Variants in RP1 observed in about 807,000 individuals in gnomAD.
The protein encoded by RP1 is RP1 axonemal microtubule associated.
RP1 carries 16 observed loss-of-function variants against 14.8 expected under a neutral mutation model. The observed-to-expected ratio is 1.08, with a 90% CI of 0.73 to 1.65. The LOEUF is 1.65. Ranked by LOEUF, RP1 falls within the 40% of genes most tolerant of loss-of-function variation. RP1 has a pLI of 0.00. For missense variants in RP1, 2,631 were observed against 2,535.0 expected (o/e 1.04, Z -0.81); for synonymous variants, 876 against 883.6 (o/e 0.99, Z 0.15).
chr8:54,569,787 G>T (rs1271272095), intron 1 of RP1, among the ~76,000 whole-genome samples: 1 of 152,198 alleles, frequency 6.6e-6, no homozygotes, highest in Admixed American at 6.5e-5. Context: ...AGTCCAGTAG[G>T]ACAGAGAGTT....
rs752606944 is a variant in RP1 at position 54,628,418 on chromosome 8, G to A, written c.4536G>A (p.Lys1512=). 1 of 1,613,298 alleles carries A rather than the reference G, an allele frequency of 6.2e-7. No individual in the cohort carries two copies. The highest frequency in any genetic ancestry group is 8.5e-7 in the Non-Finnish European group (1 of 1,179,656). Residue 1512 remains lysine (K), a synonymous_variant, in exon 4 of 4, where the codon AAG becomes AAA. Coordinates refer to ENST00000220676, the MANE Select transcript of RP1 (RefSeq NM_006269.2). ...KTLELIDISS[K]NIMEEKRMNG... is the part of the protein sequence containing the mutation. ...TAGAATTGATAGACATCTCTAGTAA[G>A]AATATTATGGAAGAAAAAAGAATGA... is the stretch of plus-strand genomic sequence containing the variant.
At chr8:54,576,025 GAAT>G (rs1804633195) in intron 1 of RP1, among the ~76,000 whole-genome samples, 1 of 149,202 alleles carries the variant, frequency 6.7e-6, no homozygotes, top group Non-Finnish European at 1.5e-5. Context: ...GAAAAAGAAA[GAAT>G]AAACCTGTCA....
chr8:54,616,353 C>A (rs542992917), intron 1 of RP1, among the ~76,000 whole-genome samples, 151 bp downstream of exon 1: 1 of 152,222 alleles, frequency 6.6e-6, no homozygotes, highest in Admixed American at 6.5e-5. Context: ...TATCTTTTAC[C>A]TAACTATGCC....
At chr8:54,750,023 C>G (rs1324069383) in intron 19 of RP1, among the ~76,000 whole-genome samples, 1 of 152,010 alleles carries the variant, frequency 6.6e-6, no homozygotes, top group Admixed American at 6.5e-5. Flanking sequence ...GTTGTCTTCC[C>G]AGATGGTCGT....
intron 7 of RP1, among the ~76,000 whole-genome samples, chr8:54,671,491 C>T (rs1024978450): frequency 2.6e-5 from 4 of 152,158 alleles, no homozygotes; most frequent in East Asian, 1.9e-4. Flanking sequence ...GATGGTGTCT[C>T]ATGAGTTTCT....
intron 1 of RP1, among the ~76,000 whole-genome samples, chr8:54,600,799 A>T (rs1585539537): frequency 6.6e-6 from 1 of 152,220 alleles, no homozygotes; most frequent in Non-Finnish European, 1.5e-5. Context: ...GAGAGAGGTG[A>T]CTTTCATTGG....
chr8:54,575,653 A>G (rs1804624759), intron 1 of RP1, among the ~76,000 whole-genome samples: 1 of 152,116 alleles, frequency 6.6e-6, no homozygotes, highest in African/African-American at 2.4e-5. Context: ...TTTTAGTTTC[A>G]GGGGTATTTA....
chr8:54,733,593 G>A (rs987722286), intron 17 of RP1, among the ~76,000 whole-genome samples: 5 of 152,002 alleles, frequency 3.3e-5, no homozygotes, highest in South Asian at 4.1e-4. Context: ...AAGTGCTGCC[G>A]AGGGCTGCCT....
intron 14 of RP1, among the ~76,000 whole-genome samples, chr8:54,705,038 T>C (rs1294094199): frequency 1.3e-5 from 2 of 152,150 alleles, no homozygotes; most frequent in African/African-American, 4.8e-5. Context: ...GGGAACATAC[T>C]GCCAAATTTA....
At chr8:54,674,527 G>GAA (rs377598146) in intron 8 of RP1, among the ~76,000 whole-genome samples, 30 of 136,910 alleles carry the variant, frequency 2.2e-4, no homozygotes, top group Admixed American at 7.3e-4. Flanking sequence ...AAAAAAAAAG[G>GAA]AAAAAAAAAC....
chr8:54,745,603 T>A (rs1809203180), intron 19 of RP1, among the ~76,000 whole-genome samples: 1 of 152,124 alleles, frequency 6.6e-6, no homozygotes, highest in South Asian at 2.1e-4. Flanking sequence ...TTCCTAAAAT[T>A]GTTCCTATTC....
chr8:54,586,048 G>T (rs973227168), intron 1 of RP1, among the ~76,000 whole-genome samples: 1 of 151,472 alleles, frequency 6.6e-6, no homozygotes, highest in South Asian at 2.1e-4. Context: ...GAGGAGCTGC[G>T]TTCCTTTGGA....
chr8:54,565,003 G>A (rs1343709070), intron 1 of RP1, among the ~76,000 whole-genome samples: 1 of 152,154 alleles, frequency 6.6e-6, no homozygotes, highest in Non-Finnish European at 1.5e-5. Context: ...TGATTCTTCT[G>A]CCTCTGCCTC....
chr8:54,761,883 G>A (rs1247921367), intron 22 of RP1, among the ~76,000 whole-genome samples: 1 of 152,148 alleles, frequency 6.6e-6, no homozygotes, highest in Non-Finnish European at 1.5e-5. Flanking sequence ...GAAGAGTATG[G>A]CACCAGGAAT....
chr8:54,843,193 G>A (rs1204424481), intron 25 of RP1, among the ~76,000 whole-genome samples: 2 of 152,078 alleles, frequency 1.3e-5, no homozygotes, highest in African/African-American at 2.4e-5. Context: ...GCACCACCAC[G>A]CCCAGCTAGT....
intron 3 of RP1, among the ~76,000 whole-genome samples, chr8:54,644,360 A>G (rs1228980524): frequency 2.0e-5 from 3 of 151,956 alleles, no homozygotes. Flanking sequence ...CAGTGGCTTT[A>G]CCCTCTCTGG....
intron 1 of RP1, among the ~76,000 whole-genome samples, chr8:54,610,939 C>T (rs1805575224): frequency 6.6e-6 from 1 of 152,174 alleles, no homozygotes; most frequent in African/African-American, 2.4e-5. Context: ...TAATAAACTT[C>T]CCGAGCTTTT....
chr8:54,603,074 G>A (rs1432228744), intron 1 of RP1, among the ~76,000 whole-genome samples: 1 of 152,112 alleles, frequency 6.6e-6, no homozygotes, highest in African/African-American at 2.4e-5. Context: ...TGTTTTTGTT[G>A]CCATTGCTTT....
chr8:54,820,360 C>A lies in RP1; in HGVS notation c.3616-17090C>A, dbSNP rs10094205. Among the ~76,000 whole-genome samples the A allele has an allele frequency of 4.5e-3, 689 of 152,218 alleles. 8 individuals carry two copies. Among genetic ancestry groups the A allele is most frequent in the African/African-American group, 0.016 (668 of 41,546 alleles). On this transcript the variant is annotated intron_variant, in intron 24 of 28. Transcript: ENST00000637698. Reference sequence around the variant, plus strand: ...TCCAGTGAAGTACCAGGACTTGCCACAGAATTGCAGTCCTTGTGGCCTGAC... The same window carrying A: ...TCCAGTGAAGTACCAGGACTTGCCAAAGAATTGCAGTCCTTGTGGCCTGAC...
Sources: allele counts gnomAD v4.1 joint callset (sites outside exome capture counted in the v4.1 genomes callset), GRCh38; gene constraint gnomAD v4.1.1; transcripts MANE v1.5; gene names NCBI Gene and HGNC (gene_info 2026-07-23, HGNC 2026-07-21).